Variants in FTO observed in about 807,000 individuals in gnomAD.
FTO encodes FTO alpha-ketoglutarate dependent dioxygenase.
FTO carries 47 observed loss-of-function variants against 63.9 expected under a neutral mutation model. That is an observed-to-expected ratio of 0.74 (90% confidence interval 0.58 to 0.94). The LOEUF (loss-of-function observed/expected upper bound fraction) is 0.94. FTO is among the 40% of genes least tolerant of loss of function. The probability of loss-of-function intolerance (pLI) is 0.00; values close to 1 mark genes in which losing one functional copy is unlikely to be tolerated. For synonymous variants in FTO, 207 were observed against 224.4 expected, an observed-to-expected ratio of 0.92 and a Z score of 0.69; for missense variants, 562 against 618.1, an observed-to-expected ratio of 0.91 and a Z score of 0.96.
At chr16:54,083,368 A>T (rs2086190536) in intron 8 of FTO, among the ~76,000 whole-genome samples, 1 of 152,100 alleles carries the variant, frequency 6.6e-6, no homozygotes, top group Non-Finnish European at 1.5e-5. Context: ...ATTTCTTTGC[A>T]AGCAAAATCT....
At chr16:54,057,051 A>G (rs2085452656) in intron 8 of FTO, among the ~76,000 whole-genome samples, 2 of 152,116 alleles carry the variant, frequency 1.3e-5, no homozygotes, top group Admixed American at 6.5e-5. Flanking sequence ...AGTGAGATGG[A>G]CACGGAGTCA....
At chr16:53,773,925 G>A (rs2077401533) in intron 1 of FTO, among the ~76,000 whole-genome samples, 1 of 152,106 alleles carries the variant, frequency 6.6e-6, no homozygotes, top group Non-Finnish European at 1.5e-5. Context: ...TAGGAACAGT[G>A]GGCCTGCCAC....
chr16:53,817,786 C>T (rs2078738812), intron 2 of FTO, among the ~76,000 whole-genome samples: 1 of 152,178 alleles, frequency 6.6e-6, no homozygotes, highest in Non-Finnish European at 1.5e-5. Flanking sequence ...CTCCAGAGAG[C>T]TTAGCTTTCC....
intron 8 of FTO, among the ~76,000 whole-genome samples, chr16:54,022,460 C>T (rs1392572874): frequency 2.0e-5 from 3 of 152,140 alleles, no homozygotes; most frequent in African/African-American, 7.2e-5. Flanking sequence ...TGTCTCTTGA[C>T]CTTCTAATTA....
intron 1 of FTO, among the ~76,000 whole-genome samples, chr16:53,781,360 T>A (rs2077583123): frequency 6.6e-6 from 1 of 152,242 alleles, no homozygotes; most frequent in South Asian, 2.1e-4. Flanking sequence ...GTTGCCTTTT[T>A]ATGTAAATGT....
intron 7 of FTO, among the ~76,000 whole-genome samples, chr16:53,918,022 A>G (rs979912973): frequency 1.3e-5 from 2 of 152,192 alleles, no homozygotes; most frequent in African/African-American, 2.4e-5. Flanking sequence ...CTTAAGAAAA[A>G]TAAGATTATT....
At chr16:53,979,100 C>T (rs1402279163) in intron 8 of FTO, among the ~76,000 whole-genome samples, 1 of 152,024 alleles carries the variant, frequency 6.6e-6, no homozygotes, top group Non-Finnish European at 1.5e-5. Flanking sequence ...TACTCTTTTT[C>T]ATAGAATATT....
At chr16:53,724,242 A>G (rs1205645073) in intron 1 of FTO, among the ~76,000 whole-genome samples, 1 of 152,222 alleles carries the variant, frequency 6.6e-6, no homozygotes, top group Non-Finnish European at 1.5e-5. Flanking sequence ...TGTTGGATGA[A>G]TAATGTCTGA....
At chr16:53,884,163 A>G (rs2080936069) in intron 6 of FTO, among the ~76,000 whole-genome samples, 1 of 152,174 alleles carries the variant, frequency 6.6e-6, no homozygotes, top group South Asian at 2.1e-4. Context: ...GTTTGGGCAT[A>G]TGTTTTGGAG....
chr16:53,876,279 T>C (rs1489494294), intron 5 of FTO, among the ~76,000 whole-genome samples: 1 of 152,164 alleles, frequency 6.6e-6, no homozygotes, highest in East Asian at 1.9e-4. Context: ...TTTTTAAATA[T>C]AAATGGTAGC....
chr16:53,968,827 T>G (rs1489841384), intron 8 of FTO, among the ~76,000 whole-genome samples: 1 of 152,212 alleles, frequency 6.6e-6, no homozygotes, highest in Non-Finnish European at 1.5e-5. Context: ...AATATTAGCA[T>G]AAGGAGGATA....
chr16:54,014,518 T>C (rs1367146499), intron 8 of FTO, among the ~76,000 whole-genome samples: 1 of 152,112 alleles, frequency 6.6e-6, no homozygotes, highest in Admixed American at 6.6e-5. Context: ...CTGTTTCTTG[T>C]ACAGCTTGTA....
At chr16:53,826,967 T>C in intron 3 of FTO, among the ~76,000 whole-genome samples, 1 of 152,212 alleles carries the variant, frequency 6.6e-6, no homozygotes, top group East Asian at 1.9e-4. Flanking sequence ...CATCACTATC[T>C]TGATGGGTGT....
intron 1 of FTO, among the ~76,000 whole-genome samples, chr16:53,754,271 G>C (rs557088856): frequency 1.3e-5 from 2 of 152,184 alleles, no homozygotes; most frequent in African/African-American, 4.8e-5. Flanking sequence ...AGATTACAAA[G>C]CTACTTAATT....
chr16:54,060,063 A>G (rs2085534252), intron 8 of FTO, among the ~76,000 whole-genome samples: 1 of 152,132 alleles, frequency 6.6e-6, no homozygotes, highest in South Asian at 2.1e-4. Flanking sequence ...TTTAAAACAG[A>G]CTTCCTTTTC....
chr16:53,704,639 A>G (rs1244216932), intron 1 of FTO, among the ~76,000 whole-genome samples: 1 of 152,164 alleles, frequency 6.6e-6, no homozygotes, highest in Admixed American at 6.5e-5. Context: ...TCTTTGGAAC[A>G]ATTGTCTCCG....
chr16:53,943,644 C>A (rs537797925), intron 8 of FTO, among the ~76,000 whole-genome samples: 541 of 152,260 alleles, frequency 3.6e-3, no homozygotes, highest in Non-Finnish European at 6.0e-3. Context: ...CTGAAAATTT[C>A]TTTTATAAAA....
rs550384526 is a variant in FTO, at chr16:53,760,404, C to G, written c.46-49736C>G. ...GGGACTACAGGTATGTACCACCATG[C>G]CCAGCTGATTTTTGTATTTTTTGTA... On this transcript the variant is annotated intron_variant, in intron 1 of 8. Transcript: ENST00000471389. Among the ~76,000 whole-genome samples the G allele has an allele frequency of 9.9e-5, 15 of 151,780 alleles. No homozygotes were observed. In the East Asian group the frequency reaches 2.7e-3, roughly 28 times the overall value.
intron 7 of FTO, among the ~76,000 whole-genome samples, chr16:53,907,198 A>G (rs1256795444): frequency 4.6e-5 from 7 of 152,200 alleles, no homozygotes; most frequent in Non-Finnish European, 8.8e-5. Context: ...AATATTGTTA[A>G]GTTGAAATTG....
Sources: allele counts gnomAD v4.1 joint callset (sites outside exome capture counted in the v4.1 genomes callset), GRCh38; gene constraint gnomAD v4.1.1; transcripts MANE v1.5; gene names NCBI Gene and HGNC (gene_info 2026-07-23, HGNC 2026-07-21).